The following BRSK1 variants were observed in gnomAD, a reference collection of about 807,000 sequenced individuals.
BRSK1 encodes BR serine/threonine kinase 1.
Under a neutral mutation model 86.2 loss-of-function variants are expected in BRSK1, and 17 were observed. The ratio of observed to expected loss-of-function variants is 0.20; its 90% CI spans 0.14 to 0.30. The LOEUF (loss-of-function observed/expected upper bound fraction) is 0.30. Among genes scored for constraint, BRSK1 ranks in the 10% least tolerant of loss-of-function variants. BRSK1 has a pLI of 1.00. For missense variants in BRSK1, 719 were observed against 1,071.9 expected, an observed-to-expected ratio of 0.67 and a Z score of 4.60; for synonymous variants, 464 against 440.1, an observed-to-expected ratio of 1.05 and a Z score of -0.68.
rs1308999635 is a variant in BRSK1, at chr19:55,284,164, C to T, written c.-279C>T. On this transcript the variant is annotated 5_prime_UTR_variant, in exon 1 of 19. Transcript: ENST00000309383. ...CCCCGGCGGGGGGAGGCGCAGGAAG[C>T]GGGGGGCCGGCCAGAAACGGGCTGG... is the stretch of plus-strand genomic sequence containing the variant. 4 of 819,974 alleles carry T rather than the reference C, an allele frequency of 4.9e-6. No homozygotes were observed. Among genetic ancestry groups the T allele is most frequent in the Non-Finnish European group, 6.4e-6 (4 of 627,840 alleles). 50.8% of individuals were successfully genotyped at this position (819,974 alleles called of 1,614,324 possible). A position where few individuals can be genotyped will look rare whatever the true frequency, so the allele number is the denominator to read the frequency against.
At chr19:55,288,271 C>G (rs1179577260) in intron 3 of BRSK1, among the ~76,000 whole-genome samples, 1 of 151,886 alleles carries the variant, frequency 6.6e-6, no homozygotes, top group African/African-American at 2.4e-5. Flanking sequence ...TCTTGAAGAG[C>G]TCGAGACCAG....
At position 55,284,492 on chromosome 19, in the gene BRSK1, T is replaced by TCCCC; in HGVS notation, c.52_55dup (p.His19ProfsTer32). ...GGTGGGGGCTCTCCCGCCTACCACCTCCCCCACCCCCACCCCCACCCACCC... is the reference window on the plus strand; with the variant it reads ...GGTGGGGGCTCTCCCGCCTACCACCTCCCCCCCCCACCCCCACCCCCACCCACCC... On this transcript the variant is annotated frameshift_variant, in exon 1 of 19. Coordinates refer to ENST00000309383, the MANE Select transcript of BRSK1 (RefSeq NM_032430.2). LOFTEE classifies it high-confidence loss of function. 1.3e-6 allele frequency: 1 copy of TCCCC among 776,248 alleles called. No individual in the cohort carries two copies. Among genetic ancestry groups the TCCCC allele is most frequent in the Non-Finnish European group, 1.8e-6 (1 of 546,158 alleles). 48.1% of individuals were successfully genotyped at this position (776,248 alleles called of 1,614,324 possible).
In BRSK1 at chr19:55,306,097, CAA is replaced by C. The variant is rs1350583303; in HGVS notation, c.1891-154_1891-153del. Among the ~76,000 whole-genome samples the C allele has an allele frequency of 6.6e-6, 1 of 152,212 alleles. No homozygotes were observed. The highest frequency in any genetic ancestry group is 2.4e-5 in the African/African-American group (1 of 41,434). ...CTCGCTGATAGGATAGAGAAAGCTA[CAA>C]GTCCTTGCAGGCAGTGGGGCCTCCC... On this transcript the variant is annotated intron_variant, in intron 16 of 18. Coordinates refer to ENST00000309383, the MANE Select transcript of BRSK1 (RefSeq NM_032430.2). This position sits in a 1 kb window ranked among gnomAD's most constrained non-coding sequence, Gnocchi z 4.7.
At position 55,284,347 on chromosome 19, in the gene BRSK1, C is replaced by A; in HGVS notation, c.-96C>A. 2.2e-6 allele frequency: 2 copies of A among 899,802 alleles called. No individual in the cohort carries two copies. Among genetic ancestry groups the A allele is most frequent in the Non-Finnish European group, 2.9e-6 (2 of 680,110 alleles). 55.7% of individuals were successfully genotyped at this position (899,802 alleles called of 1,614,324 possible). A position where few individuals can be genotyped will look rare whatever the true frequency, so the allele number is the denominator to read the frequency against. On this transcript the variant is annotated 5_prime_UTR_variant, in exon 1 of 19. Coordinates refer to ENST00000309383, the MANE Select transcript of BRSK1 (RefSeq NM_032430.2). ...GAGAGGTGGGGGGCAGCCGGGGGGGCCGGGACGGAGCGGTCGCCGGCCCCC... is the reference window on the plus strand; with the variant it reads ...GAGAGGTGGGGGGCAGCCGGGGGGGACGGGACGGAGCGGTCGCCGGCCCCC...
rs2088599165 is a variant in BRSK1, at chr19:55,303,278, A to T, written c.1029-33A>T. On this transcript the variant is annotated intron_variant, in intron 10 of 18. Coordinates refer to ENST00000309383, the MANE Select transcript of BRSK1 (RefSeq NM_032430.2). The surrounding 1 kb of genome is among the most constrained non-coding windows in gnomAD (Gnocchi z 5.1). ...TGATGTTGGACCTCAGCCCTCTGCT[A>T]CCTCTTTCCACCTTTCCCACCCCCT... 2 of 1,549,378 alleles carry T rather than the reference A, an allele frequency of 1.3e-6. No homozygotes were observed. The highest frequency in any genetic ancestry group is 2.7e-5 in the African/African-American group (2 of 73,548).
At chr19:55,299,493 C>T (rs1447726970) in intron 7 of BRSK1, among the ~76,000 whole-genome samples, 1 of 151,252 alleles carries the variant, frequency 6.6e-6, no homozygotes, top group Non-Finnish European at 1.5e-5. Context: ...TCAAGTAATT[C>T]TCCTGCCTCA....
chr19:55,312,208 C>A lies in BRSK1; in HGVS notation c.*140C>A, dbSNP rs538355200. On this transcript the variant is annotated 3_prime_UTR_variant, in exon 19 of 19. Coordinates refer to ENST00000309383, the MANE Select transcript of BRSK1 (RefSeq NM_032430.2). ...CCGGCCTTGCCCTGCAGGGATGGGG[C>A]TCCACAGGCCGTGCCCAACTGGGGG... is the stretch of plus-strand genomic sequence containing the variant. 23 of 469,532 alleles carry A rather than the reference C, an allele frequency of 4.9e-5. No homozygotes were observed. The highest frequency in any genetic ancestry group is 3.9e-4 in the African/African-American group (19 of 49,044). 29.1% of individuals were successfully genotyped at this position (469,532 alleles called of 1,614,324 possible).
Position 55,284,308 on chromosome 19 carries a change from C to A in BRSK1, c.-135C>A. ...CGACTGGGGGGGGCCAGCCCAGCCCCCTGGGGACCCCCGGAGAGGTGGGGG... is the reference window on the plus strand; with the variant it reads ...CGACTGGGGGGGGCCAGCCCAGCCCACTGGGGACCCCCGGAGAGGTGGGGG... On this transcript the variant is annotated 5_prime_UTR_variant, in exon 1 of 19. Transcript: ENST00000309383. The A allele has an allele frequency of 1.3e-6, 1 of 747,720 alleles. No individual in the cohort carries two copies. Among genetic ancestry groups the A allele is most frequent in the South Asian group, 6.7e-5 (1 of 14,890 alleles). The allele number at this position is 747,720 out of a possible 1,614,324, so 46.3% of individuals were successfully genotyped here.
Position 55,303,922 on chromosome 19 carries a change from G to A in BRSK1, c.1286+96G>A. Reference sequence around the variant, plus strand: ...TCTACCTCAAATGTGCTGTGTCCTTGGGACAATTCACCTCCCCTCTCTGGG... The same window carrying A: ...TCTACCTCAAATGTGCTGTGTCCTTAGGACAATTCACCTCCCCTCTCTGGG... On this transcript the variant is annotated intron_variant, in intron 12 of 18. Coordinates refer to ENST00000309383, the MANE Select transcript of BRSK1 (RefSeq NM_032430.2). This position sits in a 1 kb window ranked among gnomAD's most constrained non-coding sequence, Gnocchi z 5.1. 6.6e-7 allele frequency: 1 copy of A among 1,518,046 alleles called. No homozygotes were observed. Among genetic ancestry groups the A allele is most frequent in the Non-Finnish European group, 8.8e-7 (1 of 1,129,984 alleles). 94.0% of individuals were successfully genotyped at this position (1,518,046 alleles called of 1,614,324 possible).
In BRSK1 at chr19:55,301,755, G is replaced by C. The variant is rs1220242124; in HGVS notation, c.825+97G>C. 2.1e-6 allele frequency: 3 copies of C among 1,408,536 alleles called. No homozygotes were observed. In the African/African-American group the frequency reaches 4.2e-5, roughly 20 times the overall value. The allele number at this position is 1,408,536 out of a possible 1,614,324, so 87.3% of individuals were successfully genotyped here. A position where few individuals can be genotyped will look rare whatever the true frequency, so the allele number is the denominator to read the frequency against. On this transcript the variant is annotated intron_variant, in intron 8 of 18. Transcript: ENST00000309383. Reference sequence around the variant, plus strand: ...GGGGATGGGTTTCCAGAACCTGCTCGTCAGTCCCCAGGGTGACTGGGATCG... The same window carrying C: ...GGGGATGGGTTTCCAGAACCTGCTCCTCAGTCCCCAGGGTGACTGGGATCG...
At chr19:55,301,994 G>A (rs1296717859) in intron 8 of BRSK1, 143 bp from the exon 9 acceptor site, 2 of 1,019,232 alleles carry the variant, frequency 2.0e-6, no homozygotes, top group South Asian at 1.3e-5. Context: ...CGCCACTAGA[G>A]GGCGATGTAA....
intron 18 of BRSK1, among the ~76,000 whole-genome samples, chr19:55,309,102 A>G (rs976797123): frequency 2.6e-5 from 4 of 152,012 alleles, no homozygotes; most frequent in Non-Finnish European, 5.9e-5. Context: ...ACCTCTGTCC[A>G]GGAGGACGGT....
At position 55,307,792 on chromosome 19, in the gene BRSK1, T is replaced by TA. The variant is rs1179159266; in HGVS notation, c.2090-832dup. ...CACACACACACACACACACACAATT[T>TA]AAAAAAAAAAAAAAAGCCCAGCACG... On this transcript the variant is annotated intron_variant, in intron 17 of 18. Coordinates refer to ENST00000309383, the MANE Select transcript of BRSK1 (RefSeq NM_032430.2). Among the ~76,000 whole-genome samples, 733 of 88,298 alleles carry TA rather than the reference T, an allele frequency of 8.3e-3. 9 individuals are homozygous for TA. The highest frequency in any genetic ancestry group is 0.012 in the Non-Finnish European group (539 of 44,602). 57.9% of individuals were successfully genotyped at this position (88,298 alleles called of 152,430 possible).
rs2088328890 is a variant in BRSK1, at chr19:55,287,108, G to A, written c.231+7G>A. ...GGAGTCGGTGCTGATGAAGGTGTGT[G>A]CGCCTGCTGCAGTGTGCCTGCGGGT... On this transcript the variant is annotated splice_region_variant and intron_variant, in intron 2 of 18. Coordinates refer to ENST00000309383, the MANE Select transcript of BRSK1 (RefSeq NM_032430.2). This position sits in a 1 kb window ranked among gnomAD's most constrained non-coding sequence, Gnocchi z 5.3. 1 of 1,612,900 alleles carries A rather than the reference G, an allele frequency of 6.2e-7. No individual in the cohort carries two copies. The highest frequency in any genetic ancestry group is 1.7e-5 in the Admixed American group (1 of 59,910).
chr19:55,309,246 G>C (rs2123003322), intron 18 of BRSK1, among the ~76,000 whole-genome samples: 1 of 152,222 alleles, frequency 6.6e-6, no homozygotes, highest in Admixed American at 6.5e-5. Flanking sequence ...AGGGCCTAAT[G>C]GTCCCTAGCA....
chr19:55,290,304 C>T (rs1568980027), intron 4 of BRSK1, among the ~76,000 whole-genome samples: 1 of 151,874 alleles, frequency 6.6e-6, no homozygotes, highest in Non-Finnish European at 1.5e-5. Context: ...CCTCTTTGCC[C>T]ATCTTTAATT....
Position 55,306,537 on chromosome 19 carries a change from G to T in BRSK1, c.2089+87G>T. 1 of 1,486,262 alleles carries T rather than the reference G, an allele frequency of 6.7e-7. No homozygotes were observed. Among genetic ancestry groups the T allele is most frequent in the Non-Finnish European group, 9.2e-7 (1 of 1,085,310 alleles). 92.1% of individuals were successfully genotyped at this position (1,486,262 alleles called of 1,614,324 possible). Reference sequence around the variant, plus strand: ...AGTGTAGGGGCCCAGGAGTGCAGCAGCAGGAGGAGGAAATGGTGTTCAGCT... The same window carrying T: ...AGTGTAGGGGCCCAGGAGTGCAGCATCAGGAGGAGGAAATGGTGTTCAGCT... On this transcript the variant is annotated intron_variant, in intron 17 of 18. Coordinates refer to ENST00000309383, the MANE Select transcript of BRSK1 (RefSeq NM_032430.2). The surrounding 1 kb of genome is among the most constrained non-coding windows in gnomAD (Gnocchi z 4.7).
chr19:55,295,548 TA>T (rs1443465975), intron 7 of BRSK1, among the ~76,000 whole-genome samples: 1 of 152,132 alleles, frequency 6.6e-6, no homozygotes, highest in Non-Finnish European at 1.5e-5. Flanking sequence ...GTTAAAAAGA[TA>T]AAAGAACTAT....
In BRSK1 at chr19:55,307,775, C is replaced by T. The variant is rs1158331132; in HGVS notation, c.2090-864C>T. On this transcript the variant is annotated intron_variant, in intron 17 of 18. Coordinates refer to ENST00000309383, the MANE Select transcript of BRSK1 (RefSeq NM_032430.2). Reference sequence around the variant, plus strand: ...ACACACACACACACACACACACACACACACACACACACAATTTAAAAAAAA... The same window carrying T: ...ACACACACACACACACACACACACATACACACACACACAATTTAAAAAAAA... Among the ~76,000 whole-genome samples, 3 of 140,598 alleles carry T rather than the reference C, an allele frequency of 2.1e-5. No homozygotes were observed. The East Asian group carries it at 6.2e-4, about 29-fold the overall frequency. 92.2% of individuals were successfully genotyped at this position (140,598 alleles called of 152,430 possible).
Sources: gnomAD v4.1 joint callset for allele counts (sites outside exome capture counted in the v4.1 genomes callset) on GRCh38, gnomAD v4.1.1 for gene constraint, Gnocchi (gnomAD v3.1) non-coding constraint, MANE v1.5 for transcripts, NCBI Gene and HGNC (gene_info 2026-07-23, HGNC 2026-07-21) for gene names.